Variants in CA2 observed in about 807,000 individuals in gnomAD.
CA2 encodes carbonic anhydrase 2, also known as carbonate dehydratase II.
Under a neutral mutation model 27.8 loss-of-function variants are expected in CA2, and 23 were observed. The ratio of observed to expected loss-of-function variants is 0.83; its 90% CI spans 0.59 to 1.17. CA2 has a LOEUF of 1.17. CA2 is among the 50% of genes most tolerant of loss of function. The probability of loss-of-function intolerance (pLI) is 0.00; values close to 1 mark genes in which losing one functional copy is unlikely to be tolerated. For missense variants in CA2, 300 were observed against 314.7 expected, an observed-to-expected ratio of 0.95 and a Z score of 0.35; for synonymous variants, 99 against 114.9, an observed-to-expected ratio of 0.86 and a Z score of 0.88.
Position 85,481,039 on chromosome 8 carries a change from G to A in CA2, c.*250G>A. ...TTCTGTAACACAGAATATAGGATAA[G>A]AAATAAGAATAAAGTACCTTGACTT... On this transcript the variant is annotated 3_prime_UTR_variant, in exon 7 of 7. Coordinates refer to ENST00000285379, the MANE Select transcript of CA2 (RefSeq NM_000067.3). 2.1e-6 allele frequency: 1 copy of A among 467,470 alleles called. No individual in the cohort carries two copies. Among genetic ancestry groups the A allele is most frequent in the Non-Finnish European group, 3.9e-6 (1 of 254,956 alleles). The allele number at this position is 467,470 out of a possible 1,614,324, so 29.0% of individuals were successfully genotyped here.
At chr8:85,471,821 T>A (rs1554547343) in intron 2 of CA2, among the ~76,000 whole-genome samples, 3 of 152,118 alleles carry the variant, frequency 2.0e-5, no homozygotes, top group African/African-American at 4.8e-5. Context: ...CATTCTTTTT[T>A]AAAAAAGTCT....
At chr8:85,464,702 C>T (rs1370761196) in intron 1 of CA2, 3 of 154,268 alleles carry the variant, frequency 1.9e-5, no homozygotes, top group African/African-American at 7.2e-5. Flanking sequence ...GGGGGTCGGA[C>T]ATCAGGAATC....
chr8:85,470,780 T>C (rs1404144881), intron 2 of CA2, among the ~76,000 whole-genome samples: 1 of 152,034 alleles, frequency 6.6e-6, no homozygotes, highest in Non-Finnish European at 1.5e-5. Context: ...GCTGGAGCTC[T>C]TGGTGTTGAG....
chr8:85,474,520 G>A lies in CA2; in HGVS notation c.444+104G>A. On this transcript the variant is annotated intron_variant, in intron 4 of 6. Coordinates refer to ENST00000285379, the MANE Select transcript of CA2 (RefSeq NM_000067.3). ...CATTCTACAAAAGAGCTTAGGAAAT[G>A]CCTTTGTCCCTGAAATGTTTTCAAG... 4.4e-6 allele frequency: 4 copies of A among 900,276 alleles called. No homozygotes were observed. The Admixed American group carries it at 5.3e-5, about 12-fold the overall frequency. The allele number at this position is 900,276 out of a possible 1,614,324, so 55.8% of individuals were successfully genotyped here. A position where few individuals can be genotyped will look rare whatever the true frequency, so the allele number is the denominator to read the frequency against.
At chr8:85,464,316 C>T (rs1447844952) in intron 1 of CA2, 1 of 480,818 alleles carries the variant, frequency 2.1e-6, no homozygotes, top group African/African-American at 2.1e-5. Context: ...TCCCCCTTGC[C>T]CCAGCTGCGA....
In CA2 at chr8:85,480,992, G is replaced by A; in HGVS notation, c.*203G>A. 1.7e-6 allele frequency: 1 copy of A among 585,236 alleles called. No individual in the cohort carries two copies. Among genetic ancestry groups the A allele is most frequent in the African/African-American group, 1.9e-5 (1 of 53,602 alleles). The allele number at this position is 585,236 out of a possible 1,614,324, so 36.3% of individuals were successfully genotyped here. A position where few individuals can be genotyped will look rare whatever the true frequency, so the allele number is the denominator to read the frequency against. ...GACACAACTGCTGTGGCTGGTTGGTGCTTTGTTTATGGTAGTAGTTTTTCT... is the reference window on the plus strand; with the variant it reads ...GACACAACTGCTGTGGCTGGTTGGTACTTTGTTTATGGTAGTAGTTTTTCT... On this transcript the variant is annotated 3_prime_UTR_variant, in exon 7 of 7. Coordinates refer to ENST00000285379, the MANE Select transcript of CA2 (RefSeq NM_000067.3).
intron 6 of CA2, among the ~76,000 whole-genome samples, chr8:85,480,039 T>G (rs1811863873): frequency 6.6e-6 from 1 of 152,198 alleles, no homozygotes. Flanking sequence ...TCTAAAGGTA[T>G]GAGTTTATAG....
chr8:85,470,877 C>G (rs934639182), intron 2 of CA2, among the ~76,000 whole-genome samples: 1 of 151,784 alleles, frequency 6.6e-6, no homozygotes, highest in Non-Finnish European at 1.5e-5. Flanking sequence ...TCACAGAACC[C>G]ATTTCTGGGG....
At position 85,475,997 on chromosome 8, in the gene CA2, T is replaced by G. The variant is rs1811793922; in HGVS notation, c.507+137T>G. 6 of 720,848 alleles carry G rather than the reference T, an allele frequency of 8.3e-6. No homozygotes were observed. The South Asian group carries it at 9.4e-5, about 11-fold the overall frequency. 44.7% of individuals were successfully genotyped at this position (720,848 alleles called of 1,614,324 possible). On this transcript the variant is annotated intron_variant, in intron 5 of 6. Transcript: ENST00000285379. The stretch of plus-strand genomic sequence containing the variant: ...ATGAGCAGTTAGTAAAGGTAGAATA[T>G]TACTTAAATATTTAATTAACGTTTC...
chr8:85,466,139 AAAAAAG>A (rs1195286362), intron 2 of CA2, among the ~76,000 whole-genome samples: 9 of 150,750 alleles, frequency 6.0e-5, no homozygotes, highest in East Asian at 5.8e-4. Flanking sequence ...AAAAAAAAAA[AAAAAAG>A]AAAGAGAAAG....
intron 5 of CA2, 130 bp downstream of exon 5, chr8:85,475,990 T>C (rs1811793725): frequency 2.7e-6 from 2 of 737,808 alleles, no homozygotes; most frequent in Non-Finnish European, 4.9e-6. Context: ...TTAGTAAAGG[T>C]AGAATATTAC....
intron 6 of CA2, among the ~76,000 whole-genome samples, chr8:85,478,846 G>A (rs937593312): frequency 9.9e-5 from 15 of 152,202 alleles, no homozygotes; most frequent in African/African-American, 3.6e-4. Flanking sequence ...CATCCTCAAG[G>A]TGGTTGTAAT....
chr8:85,467,888 T>A (rs1182138565), intron 2 of CA2, among the ~76,000 whole-genome samples: 2 of 152,202 alleles, frequency 1.3e-5, no homozygotes, highest in Non-Finnish European at 2.9e-5. Flanking sequence ...CACCCATGCC[T>A]TTAGAGACAC....
chr8:85,475,697 T>C, intron 4 of CA2, 101 bp from the exon 5 acceptor site: 1 of 1,031,798 alleles, frequency 9.7e-7, no homozygotes, highest in Middle Eastern at 2.0e-4. Context: ...GAATTTGGGC[T>C]CACTATTTGG....
chr8:85,471,981 C>A (rs1811719710), intron 2 of CA2, among the ~76,000 whole-genome samples: 1 of 152,102 alleles, frequency 6.6e-6, no homozygotes, highest in Non-Finnish European at 1.5e-5. Flanking sequence ...ATTTATAATT[C>A]TTTCTGTTTT....
At chr8:85,474,676 T>C in intron 4 of CA2, 3 of 476,556 alleles carry the variant, frequency 6.3e-6, no homozygotes, top group Non-Finnish European at 1.1e-5. Flanking sequence ...GGGTGACTGC[T>C]AGGTGTTTGT....
intron 1 of CA2, chr8:85,464,325 G>C (rs914621660): frequency 4.2e-6 from 2 of 475,186 alleles, no homozygotes; most frequent in Non-Finnish European, 7.3e-6. Context: ...CCCCAGCTGC[G>C]AGGCCACTGT....
Position 85,464,030 on chromosome 8 carries a change from C to T in CA2, c.-52C>T. On this transcript the variant is annotated 5_prime_UTR_variant, in exon 1 of 7. Transcript: ENST00000285379. Reference sequence around the variant, plus strand: ...ACACACAGTGCAGGCGCCCAAGCCGCCGCCGCCAGATCGGTGCCGATTCCT... The same window carrying T: ...ACACACAGTGCAGGCGCCCAAGCCGTCGCCGCCAGATCGGTGCCGATTCCT... 3 of 1,532,958 alleles carry T rather than the reference C, an allele frequency of 2.0e-6. No individual in the cohort carries two copies. The highest frequency in any genetic ancestry group is 2.0e-5 in the Admixed American group (1 of 50,950). The allele number at this position is 1,532,958 out of a possible 1,614,324, so 95.0% of individuals were successfully genotyped here.
chr8:85,477,794 A>G (rs1021802737), intron 6 of CA2, among the ~76,000 whole-genome samples: 4 of 152,200 alleles, frequency 2.6e-5, no homozygotes, highest in Admixed American at 1.3e-4. Flanking sequence ...TACATTTCCA[A>G]TAAAATATAG....
Sources: allele counts gnomAD v4.1 joint callset (sites outside exome capture counted in the v4.1 genomes callset), GRCh38; gene constraint gnomAD v4.1.1; transcripts MANE v1.5; gene names NCBI Gene and HGNC (gene_info 2026-07-23, HGNC 2026-07-21).